The following NUP58 variants were observed in gnomAD, a reference collection of about 807,000 sequenced individuals.
The protein encoded by NUP58 is nucleoporin 58.
In NUP58, 17 loss-of-function variants were observed where a neutral mutation model predicts 70.1. That is an observed-to-expected ratio of 0.24 (90% CI 0.17 to 0.36). The LOEUF is 0.36. Ranked by LOEUF, NUP58 falls within the 10% of genes least tolerant of loss-of-function variation. The pLI is 1.00. For missense variants in NUP58, 644 were observed against 701.5 expected (o/e 0.92, Z 0.93); for synonymous variants, 275 against 257.6 (o/e 1.07, Z -0.65).
chr13:25,320,362 A>G, intron 7 of NUP58, 168 bp from the exon 8 acceptor site: 1 of 505,998 alleles, frequency 2.0e-6, no homozygotes, highest in Non-Finnish European at 3.5e-6. Flanking sequence ...GATCCTATTT[A>G]CAATAAATTT....
chr13:25,318,226 G>A (rs1182111218), intron 6 of NUP58, among the ~76,000 whole-genome samples: 1 of 152,092 alleles, frequency 6.6e-6, no homozygotes, highest in African/African-American at 2.4e-5. Flanking sequence ...TACTCGGGAA[G>A]CTGAGGCAGG....
chr13:25,346,910 TAAA>T (rs761825944), downstream of NUP58, among the ~76,000 whole-genome samples: 1 of 152,140 alleles, frequency 6.6e-6, no homozygotes, highest in Non-Finnish European at 1.5e-5. Flanking sequence ...GGGTTCAAAA[TAAA>T]AAGCAACTAA....
intron 1 of NUP58, among the ~76,000 whole-genome samples, chr13:25,304,054 T>C (rs2030167934): frequency 1.3e-5 from 2 of 152,302 alleles, no homozygotes; most frequent in South Asian, 2.1e-4. Context: ...AGGGGAGTTC[T>C]CACATCTGGA....
intron 6 of NUP58, among the ~76,000 whole-genome samples, chr13:25,316,633 A>G (rs2030944322): frequency 6.6e-6 from 1 of 152,202 alleles, no homozygotes; most frequent in African/African-American, 2.4e-5. Flanking sequence ...CAACTCCATA[A>G]TTAGGAAAGC....
rs57930398 is a variant in NUP58, at chr13:25,331,883, C to T, written c.1435+325C>T. ...ATAACATTAGATTCTGAAATCATGA[C>T]TGTACCATTTATTGTTTTAAAGTCA... On this transcript the variant is annotated intron_variant, in intron 13 of 15. Coordinates refer to ENST00000381736, the MANE Select transcript of NUP58 (RefSeq NM_014089.4). 6,663 of 1,120,694 alleles carry T rather than the reference C, an allele frequency of 5.9e-3. 303 individuals are homozygous for T. The African/African-American group carries it at 0.095, about 16-fold the overall frequency. The allele number at this position is 1,120,694 out of a possible 1,614,324, so 69.4% of individuals were successfully genotyped here.
intron 7 of NUP58, 27 bp from the exon 8 acceptor site, chr13:25,320,503 T>G (rs1286273453): frequency 6.5e-7 from 1 of 1,528,906 alleles, no homozygotes; most frequent in Non-Finnish European, 9.1e-7. Flanking sequence ...CTCAATGACC[T>G]TAATACATGT....
intron 13 of NUP58, chr13:25,334,299 A>G: frequency 1.0e-6 from 1 of 985,328 alleles, no homozygotes; most frequent in Non-Finnish European, 1.2e-6. Flanking sequence ...GTTTTTTAGC[A>G]ATGTATCTGG....
At chr13:25,329,574 T>A (rs2031530041) in intron 12 of NUP58, among the ~76,000 whole-genome samples, 1 of 152,170 alleles carries the variant, frequency 6.6e-6, no homozygotes, top group African/African-American at 2.4e-5. Flanking sequence ...TATTTTATAA[T>A]CAGATTTGGT....
chr13:25,320,982 G>A lies in NUP58; in HGVS notation c.840G>A (p.Met280Ile). The part of the protein sequence containing the change: ...EEISRMSSKA[M>I]LKVQEDIKAL... ...TTAGTAGAATGTCTTCAAAAGCAAT[G>A]CTTAAGGTACAAGAAGATATTAAAG... Residue 280 changes from methionine to isoleucine, a missense_variant, in exon 9 of 16, where the codon ATG (methionine) becomes ATA (isoleucine). This residue lies in a region of NUP58 where 430 missense variants were observed against 409.2 expected (regional missense o/e 1.05). Coordinates refer to ENST00000381736, the MANE Select transcript of NUP58 (RefSeq NM_014089.4). 1.3e-6 allele frequency: 2 copies of A among 1,597,556 alleles called. No homozygotes were observed.
intron 1 of NUP58, among the ~76,000 whole-genome samples, chr13:25,304,799 G>T (rs896397035): frequency 2.0e-5 from 3 of 151,396 alleles, no homozygotes; most frequent in Admixed American, 6.6e-5. Context: ...CAAGGTGCTG[G>T]GATTACAGGC....
chr13:25,313,300 A>G (rs184197683), intron 4 of NUP58, among the ~76,000 whole-genome samples: 2 of 152,298 alleles, frequency 1.3e-5, no homozygotes, highest in East Asian at 3.9e-4. Context: ...AAGACTTGGC[A>G]TAAACCTTGC....
At position 25,301,862 on chromosome 13, in the gene NUP58, T is replaced by G. The variant is rs1419391097; in HGVS notation, c.89T>G (p.Phe30Cys). 1.9e-6 allele frequency: 3 copies of G among 1,612,912 alleles called. No homozygotes were observed. Among genetic ancestry groups the G allele is most frequent in the Non-Finnish European group, 2.5e-6 (3 of 1,179,512 alleles). Reference sequence around the variant, plus strand: ...ACCAGCACAGGCGGCGTTTTCTCCTTCGGAACGGGAGCGTCTAGGTAACCG... The same window carrying G: ...ACCAGCACAGGCGGCGTTTTCTCCTGCGGAACGGGAGCGTCTAGGTAACCG... Reference protein sequence around the residue: ...GGTSTGGVFSFGTGASSNPSV... With the variant: ...GGTSTGGVFSCGTGASSNPSV... The change falls in exon 1 of 16, where the codon TTC becomes TGC. Residue 30 changes from phenylalanine to cysteine, a missense_variant. By Grantham distance (205) the Phe-to-Cys change is radical. Around this residue, in one of 4 missense-constraint regions of NUP58, gnomAD observed 430 missense variants for 409.2 expected, o/e 1.05. Transcript: ENST00000381736.
intron 1 of NUP58, among the ~76,000 whole-genome samples, chr13:25,302,198 G>T (rs1015916817): frequency 6.6e-6 from 1 of 152,254 alleles, no homozygotes; most frequent in African/African-American, 2.4e-5. Context: ...GAGCTTTAGC[G>T]ATGTGTCAGT....
intron 13 of NUP58, chr13:25,336,176 G>A (rs776149422): frequency 3.1e-5 from 42 of 1,362,786 alleles, no homozygotes; most frequent in South Asian, 4.6e-5. Context: ...GGTACACAGC[G>A]GTGCCTTTGT....
chr13:25,320,666 T>G, intron 8 of NUP58, 71 bp downstream of exon 8: 3 of 1,163,670 alleles, frequency 2.6e-6, no homozygotes, highest in Non-Finnish European at 2.5e-6. Context: ...GGAGCATCTC[T>G]TCCTCCTAAA....
chr13:25,330,523 T>A (rs547770431), intron 12 of NUP58, among the ~76,000 whole-genome samples: 20 of 152,338 alleles, frequency 1.3e-4, no homozygotes, highest in African/African-American at 4.6e-4. Context: ...GTAAGAAATA[T>A]GAAAAATCTG....
chr13:25,310,440 G>A (rs138356989), intron 3 of NUP58, among the ~76,000 whole-genome samples: 1,677 of 149,722 alleles, frequency 0.011, 44 homozygotes, highest in African/African-American at 0.039. Context: ...GGCTGGTCTC[G>A]AACTCCCAAC....
At chr13:25,305,689 T>C (rs2030314387) in intron 1 of NUP58, among the ~76,000 whole-genome samples, 1 of 152,208 alleles carries the variant, frequency 6.6e-6, no homozygotes, top group Non-Finnish European at 1.5e-5. Context: ...TTCTGCAGTA[T>C]CTCTTTGCCA....
At chr13:25,349,099 G>A (rs1346644618) in intron 3 of NUP58, among the ~76,000 whole-genome samples, 1 of 152,002 alleles carries the variant, frequency 6.6e-6, no homozygotes, top group Non-Finnish European at 1.5e-5. Context: ...GTTAATACAG[G>A]CTTCCAATAC....
Sources: gnomAD v4.1 joint callset for allele counts (sites outside exome capture counted in the v4.1 genomes callset) on GRCh38, gnomAD v4.1.1 for gene constraint, gnomAD v4.1.1 regional missense constraint, MANE v1.5 for transcripts, NCBI Gene and HGNC (gene_info 2026-07-23, HGNC 2026-07-21) for gene names.